Variants in FSIP2 observed in about 807,000 individuals in gnomAD.
FSIP2 encodes fibrous sheath-interacting protein 2.
FSIP2 carries 367 observed loss-of-function variants against 510.5 expected under a neutral mutation model. The ratio of observed to expected loss-of-function variants is 0.72; its 90% CI spans 0.66 to 0.78. FSIP2 has a LOEUF of 0.78. Among genes scored for constraint, FSIP2 ranks in the 30% least tolerant of loss-of-function variants. The pLI is 0.00. For missense variants in FSIP2, 7,594 were observed against 7,901.7 expected (o/e 0.96, Z 1.48); for synonymous variants, 2,601 against 2,732.2 (o/e 0.95, Z 1.50).
intron 17 of FSIP2, among the ~76,000 whole-genome samples, chr2:185,809,461 A>C (rs1693680084): frequency 6.6e-6 from 1 of 152,122 alleles, no homozygotes; most frequent in African/African-American, 2.4e-5. Flanking sequence ...TTAAATATTT[A>C]AAAGCAGCAA....
At position 185,800,445 on chromosome 2, in the gene FSIP2, A is replaced by G; in HGVS notation, c.11139A>G (p.Leu3713=). 6.5e-7 allele frequency: 1 copy of G among 1,530,732 alleles called. No individual in the cohort carries two copies. The highest frequency in any genetic ancestry group is 1.2e-5 in the South Asian group (1 of 83,294). 94.8% of individuals were successfully genotyped at this position (1,530,732 alleles called of 1,614,324 possible). A position where few individuals can be genotyped will look rare whatever the true frequency, so the allele number is the denominator to read the frequency against. The change falls in exon 17 of 23, where the codon CTA becomes CTG. Residue 3713 remains leucine (L), a synonymous_variant. Transcript: ENST00000424728. The part of the protein sequence containing the change: ...VSDLFSPDEC[L]DTGMDSGKIQ... ...ATTTATTTTCACCAGATGAATGCCTAGATACGGGTATGGATTCTGGTAAAA... is the reference window on the plus strand; with the variant it reads ...ATTTATTTTCACCAGATGAATGCCTGGATACGGGTATGGATTCTGGTAAAA...
chr2:185,762,228 T>C (rs1052013483), intron 11 of FSIP2, among the ~76,000 whole-genome samples: 5 of 151,210 alleles, frequency 3.3e-5, no homozygotes, highest in African/African-American at 1.2e-4. Context: ...ATTTGCAAAG[T>C]GTGGAAAAGA....
intron 19 of FSIP2, among the ~76,000 whole-genome samples, chr2:185,821,314 T>C (rs982711963): frequency 2.0e-5 from 3 of 151,836 alleles, no homozygotes; most frequent in African/African-American, 7.2e-5. Flanking sequence ...AAAAACCTCC[T>C]AACAAATAAA....
rs1019969307 is a variant in FSIP2 at position 185,804,424 on chromosome 2, A to C, written c.15118A>C (p.Ile5040Leu). Residue 5040 changes from isoleucine (I) to leucine (L), a missense_variant, in exon 17 of 23, where the codon ATT (isoleucine) becomes CTT (leucine). Ile to Leu is a conservative substitution (Grantham distance 5). Coordinates refer to ENST00000424728, the MANE Select transcript of FSIP2 (RefSeq NM_173651.4). ...GKVLDQYKSL[I>L]QIHRVIQSDT... is the part of the protein sequence containing the mutation. ...AGTATTAGATCAATATAAATCTCTG[A>C]TTCAAATACATAGGGTTATACAAAG... is the stretch of plus-strand genomic sequence containing the variant. 1 of 1,508,408 alleles carries C rather than the reference A, an allele frequency of 6.6e-7. No individual in the cohort carries two copies. Among genetic ancestry groups the C allele is most frequent in the Non-Finnish European group, 8.8e-7 (1 of 1,130,052 alleles). The allele number at this position is 1,508,408 out of a possible 1,614,324, so 93.4% of individuals were successfully genotyped here.
intron 15 of FSIP2, among the ~76,000 whole-genome samples, chr2:185,787,378 AAG>A (rs1004896160): frequency 5.9e-5 from 9 of 151,734 alleles, no homozygotes; most frequent in African/African-American, 2.2e-4. Flanking sequence ...AGTGAGTCAG[AAG>A]AGAGTGTGCT....
chr2:185,746,613 G>T, intron 5 of FSIP2, 56 bp from the exon 6 acceptor site: 1 of 1,346,176 alleles, frequency 7.4e-7, no homozygotes, highest in South Asian at 1.6e-5. Context: ...AGCAGATGAT[G>T]CCATCATAAA....
chr2:185,763,599 A>G (rs1692398749), intron 12 of FSIP2, among the ~76,000 whole-genome samples: 1 of 151,584 alleles, frequency 6.6e-6, no homozygotes, highest in South Asian at 2.1e-4. Context: ...TGTTCGAGAG[A>G]TACCAGCAAA....
intron 13 of FSIP2, among the ~76,000 whole-genome samples, chr2:185,776,559 T>C (rs1309561583): frequency 6.6e-6 from 1 of 152,216 alleles, no homozygotes; most frequent in Non-Finnish European, 1.5e-5. Flanking sequence ...TTGATAACAT[T>C]CCTATTATTC....
chr2:185,756,240 A>T lies in FSIP2; in HGVS notation c.1040A>T (p.Tyr347Phe). 2 of 1,349,694 alleles carry T rather than the reference A, an allele frequency of 1.5e-6. No homozygotes were observed. Among genetic ancestry groups the T allele is most frequent in the Non-Finnish European group, 2.0e-6 (2 of 995,508 alleles). The allele number at this position is 1,349,694 out of a possible 1,614,324, so 83.6% of individuals were successfully genotyped here. Residue 347 changes from tyrosine to phenylalanine, a missense_variant, in exon 9 of 23, where the codon TAT becomes TTT. Physicochemically the swap from Tyr to Phe is conservative, Grantham distance 22. Coordinates refer to ENST00000424728, the MANE Select transcript of FSIP2 (RefSeq NM_173651.4). ...KKTSEDIMLV[Y>F]PAGDQNTYKE... ...ACTTCTGAAGATATAATGTTAGTTT[A>T]TCCTGCTGGAGACCAGAATACATAT...
chr2:185,759,351 T>C (rs1692304311), intron 9 of FSIP2, among the ~76,000 whole-genome samples: 1 of 148,898 alleles, frequency 6.7e-6, no homozygotes, highest in South Asian at 2.1e-4. Flanking sequence ...ACTTTTGATT[T>C]TCTTCATTCC....
intron 19 of FSIP2, among the ~76,000 whole-genome samples, chr2:185,823,867 T>C (rs1055976245): frequency 1.3e-5 from 2 of 151,726 alleles, no homozygotes; most frequent in Non-Finnish European, 2.9e-5. Context: ...AAGCAAAATG[T>C]GTTATAAATA....
Position 185,793,211 on chromosome 2 carries a change from T to C in FSIP2, c.6075T>C (p.Pro2025=). 2 of 1,533,768 alleles carry C rather than the reference T, an allele frequency of 1.3e-6. No homozygotes were observed. The highest frequency in any genetic ancestry group is 8.7e-7 in the Non-Finnish European group (1 of 1,145,396). The change falls in exon 16 of 23, where the codon CCT becomes CCC. Residue 2025 remains proline (P), a synonymous_variant. Coordinates refer to ENST00000424728, the MANE Select transcript of FSIP2 (RefSeq NM_173651.4). ...AATTAGATAAAGAAAGGGAAAATCC[T>C]TTTTTAACTCATGACATTGGGATTT... The part of the protein sequence containing the change: ...KQELDKEREN[P]FLTHDIGISE...
intron 13 of FSIP2, among the ~76,000 whole-genome samples, chr2:185,776,563 A>G (rs1358468383): frequency 6.6e-6 from 1 of 152,152 alleles, no homozygotes; most frequent in Non-Finnish European, 1.5e-5. Flanking sequence ...TAACATTCCT[A>G]TTATTCATTT....
chr2:185,804,430 A>G lies in FSIP2; in HGVS notation c.15124A>G (p.Ile5042Val), dbSNP rs2105646310. 2.0e-6 allele frequency: 3 copies of G among 1,512,118 alleles called. No individual in the cohort carries two copies. The East Asian group carries it at 7.4e-5, about 37-fold the overall frequency. 93.7% of individuals were successfully genotyped at this position (1,512,118 alleles called of 1,614,324 possible). A position where few individuals can be genotyped will look rare whatever the true frequency, so the allele number is the denominator to read the frequency against. ...AGATCAATATAAATCTCTGATTCAA[A>G]TACATAGGGTTATACAAAGTGACAC... The part of the protein sequence containing the change: ...VLDQYKSLIQ[I>V]HRVIQSDTIC... Residue 5042 changes from isoleucine to valine, a missense_variant, in exon 17 of 23, where the codon ATA becomes GTA. Ile to Val is a conservative substitution (Grantham distance 29, BLOSUM62 3). Coordinates refer to ENST00000424728, the MANE Select transcript of FSIP2 (RefSeq NM_173651.4).
chr2:185,824,076 G>A (rs1443475782), intron 19 of FSIP2, among the ~76,000 whole-genome samples: 2 of 151,754 alleles, frequency 1.3e-5, no homozygotes, highest in African/African-American at 4.8e-5. Context: ...CAGGGGATGG[G>A]GAGAGAGGGA....
intron 7 of FSIP2, among the ~76,000 whole-genome samples, chr2:185,752,796 G>A (rs956427414): frequency 6.6e-6 from 1 of 151,232 alleles, no homozygotes; most frequent in Non-Finnish European, 1.5e-5. Flanking sequence ...TCAGTTGATA[G>A]ATCTACTTCT....
chr2:185,809,486 T>A (rs1439297855), intron 17 of FSIP2, among the ~76,000 whole-genome samples: 1 of 152,114 alleles, frequency 6.6e-6, no homozygotes, highest in Non-Finnish European at 1.5e-5. Flanking sequence ...GTATAGTTCC[T>A]TAGTTCGTTA....
In FSIP2 at chr2:185,785,645, G is replaced by C. The variant is rs370256425; in HGVS notation, c.1470-607G>C. On this transcript the variant is annotated intron_variant, in intron 14 of 22. Coordinates refer to ENST00000424728, the MANE Select transcript of FSIP2 (RefSeq NM_173651.4). ...AGAAAACTGTGTTTTTATTTCATTAGTGTGTGACGGTAAATCTAACAACAC... is the reference window on the plus strand; with the variant it reads ...AGAAAACTGTGTTTTTATTTCATTACTGTGTGACGGTAAATCTAACAACAC... 5.3e-5 allele frequency among the ~76,000 whole-genome samples: 8 copies of C among 151,856 alleles called. No homozygotes were observed. The South Asian group carries it at 1.0e-3, about 20-fold the overall frequency.
In FSIP2 at chr2:185,804,174, C is replaced by T. The variant is rs1270778771; in HGVS notation, c.14868C>T (p.Leu4956=). ...SVFLEEVISE[L]LCKILYAFSH... is the part of the protein sequence containing the mutation. ...TTTTGGAGGAAGTAATTTCTGAGCT[C>T]TTATGCAAAATTCTTTATGCATTTT... The change falls in exon 17 of 23, where the codon CTC becomes CTT. Residue 4956 remains leucine (L), a synonymous_variant. Transcript: ENST00000424728. 6.6e-7 allele frequency: 1 copy of T among 1,511,386 alleles called. No homozygotes were observed. The highest frequency in any genetic ancestry group is 1.4e-5 in the African/African-American group (1 of 71,766). The allele number at this position is 1,511,386 out of a possible 1,614,324, so 93.6% of individuals were successfully genotyped here. A position where few individuals can be genotyped will look rare whatever the true frequency, so the allele number is the denominator to read the frequency against.
Sources: allele counts gnomAD v4.1 joint callset (sites outside exome capture counted in the v4.1 genomes callset), GRCh38; gene constraint gnomAD v4.1.1; transcripts MANE v1.5; gene names NCBI Gene and HGNC (gene_info 2026-07-23, HGNC 2026-07-21).